The following MTX2 variants were observed in gnomAD, a reference collection of about 807,000 sequenced individuals.
MTX2 encodes metaxin-2.
A neutral mutation model predicts 42.3 loss-of-function variants in MTX2; 35 were observed. The ratio of observed to expected loss-of-function variants is 0.83; its 90% CI spans 0.63 to 1.10. The LOEUF is 1.10. Among genes scored for constraint, MTX2 ranks in the 50% least tolerant of loss-of-function variants. The pLI is 0.00. For synonymous variants in MTX2, 119 were observed against 100.9 expected (o/e 1.18, Z -1.08); for missense variants, 307 against 304.1 (o/e 1.01, Z -0.07).
At chr2:176,277,795 T>C (rs1160988619) in intron 1 of MTX2, among the ~76,000 whole-genome samples, 1 of 152,116 alleles carries the variant, frequency 6.6e-6, no homozygotes, top group East Asian at 1.9e-4. Flanking sequence ...TGAGGAATTA[T>C]TAAAAAGTTA....
intron 1 of MTX2, chr2:176,270,413 T>C: frequency 1.5e-6 from 2 of 1,361,964 alleles, no homozygotes; most frequent in Non-Finnish European, 2.0e-6. Flanking sequence ...ATGACTGATG[T>C]ATATAGGTTT....
chr2:176,291,580 A>G (rs943341080), intron 1 of MTX2, among the ~76,000 whole-genome samples: 1 of 152,126 alleles, frequency 6.6e-6, no homozygotes, highest in Non-Finnish European at 1.5e-5. Flanking sequence ...CAAGGAGGTC[A>G]GCGAAAACTT....
intron 3 of MTX2, among the ~76,000 whole-genome samples, chr2:176,305,501 A>G (rs1684120698): frequency 6.6e-6 from 1 of 152,144 alleles, no homozygotes. Context: ...TTGACCCTAC[A>G]ACTTTATGAA....
At position 176,309,680 on chromosome 2, in the gene MTX2, T is replaced by G. The variant is rs185131360; in HGVS notation, c.135+11785T>G. The stretch of plus-strand genomic sequence containing the variant: ...TTTGTCTCTTTTGATCTTTGTTGGT[T>G]TAAAGTCTGTTTTATCAGAGACCAG... On this transcript the variant is annotated intron_variant, in intron 3 of 9. Coordinates refer to ENST00000249442, the MANE Select transcript of MTX2 (RefSeq NM_006554.5). Among the ~76,000 whole-genome samples, 373 of 152,074 alleles carry G rather than the reference T, an allele frequency of 2.5e-3. 3 individuals are homozygous for G. Among genetic ancestry groups the G allele is most frequent in the African/African-American group, 8.2e-3 (342 of 41,464 alleles).
chr2:176,330,072 G>C (rs1684823484), intron 8 of MTX2, among the ~76,000 whole-genome samples: 1 of 150,964 alleles, frequency 6.6e-6, no homozygotes, highest in Admixed American at 6.6e-5. Context: ...TGGCTACAAG[G>C]GGGTTTCAGT....
intron 3 of MTX2, among the ~76,000 whole-genome samples, chr2:176,306,978 TGC>T (rs1271737752): frequency 6.6e-6 from 1 of 152,256 alleles, no homozygotes; most frequent in Non-Finnish European, 1.5e-5. Flanking sequence ...ATGAAGTCCT[TGC>T]CCATGCCTGT....
chr2:176,312,863 C>CAAAAAAAA (rs557475003), intron 3 of MTX2, among the ~76,000 whole-genome samples: 60 of 55,374 alleles, frequency 1.1e-3, no homozygotes, highest in Middle Eastern at 0.012. Flanking sequence ...AATGCCATCT[C>CAAAAAAAA]AAAAAAAAAA....
intron 3 of MTX2, among the ~76,000 whole-genome samples, chr2:176,309,021 C>G (rs574838751): frequency 1.4e-4 from 22 of 152,116 alleles, no homozygotes; most frequent in East Asian, 5.8e-4. Flanking sequence ...TTTCTCTTGT[C>G]GGCATTTAGT....
chr2:176,304,601 T>C (rs1319347969), intron 3 of MTX2, among the ~76,000 whole-genome samples: 1 of 151,988 alleles, frequency 6.6e-6, no homozygotes, highest in Non-Finnish European at 1.5e-5. Context: ...GTTCATGGTT[T>C]TTAATTTTAA....
chr2:176,329,437 G>A lies in MTX2; in HGVS notation c.543+11G>A. The A allele has an allele frequency of 6.3e-7, 1 of 1,596,888 alleles. No individual in the cohort carries two copies. Among genetic ancestry groups the A allele is most frequent in the East Asian group, 2.3e-5 (1 of 44,372 alleles). On this transcript the variant is annotated intron_variant, in intron 8 of 9. Transcript: ENST00000249442. ...AAGACTCTGGACCAGGTCAGTTCAG[G>A]TTGAAGTTGACAAAACCCTCAACTT...
intron 1 of MTX2, among the ~76,000 whole-genome samples, chr2:176,291,630 G>T (rs1693330035): frequency 6.6e-6 from 1 of 152,088 alleles, no homozygotes; most frequent in Non-Finnish European, 1.5e-5. Context: ...TTAAGGCCCA[G>T]TGCAACATGA....
chr2:176,319,633 T>C (rs921703935), intron 3 of MTX2, among the ~76,000 whole-genome samples: 1 of 152,056 alleles, frequency 6.6e-6, no homozygotes, highest in African/African-American at 2.4e-5. Flanking sequence ...TGGAGTGCAG[T>C]GGTGCGACCT....
At chr2:176,281,725 G>T (rs1693080696) in intron 1 of MTX2, among the ~76,000 whole-genome samples, 4 of 152,092 alleles carry the variant, frequency 2.6e-5, no homozygotes. Context: ...TCTGGGAACC[G>T]AGAAGGCACA....
At position 176,323,741 on chromosome 2, in the gene MTX2, A is replaced by G. The variant is rs371816240; in HGVS notation, c.208+277A>G. 1.1e-4 allele frequency among the ~76,000 whole-genome samples: 16 copies of G among 151,858 alleles called. No individual in the cohort carries two copies. The East Asian group carries it at 2.5e-3, about 24-fold the overall frequency. On this transcript the variant is annotated intron_variant, in intron 4 of 9. Coordinates refer to ENST00000249442, the MANE Select transcript of MTX2 (RefSeq NM_006554.5). Reference sequence around the variant, plus strand: ...ATAGTAAATGTTAAGGAAATACATGATCTCAGATTTCCCTAGTCTTAATGT... The same window carrying G: ...ATAGTAAATGTTAAGGAAATACATGGTCTCAGATTTCCCTAGTCTTAATGT...
chr2:176,273,187 C>T (rs1180358936), intron 1 of MTX2, among the ~76,000 whole-genome samples: 1 of 152,212 alleles, frequency 6.6e-6, no homozygotes, highest in African/African-American at 2.4e-5. Context: ...GTGGAGCCCT[C>T]ATGATCTAGT....
chr2:176,329,932 T>C (rs1684817432), intron 8 of MTX2, among the ~76,000 whole-genome samples: 1 of 151,030 alleles, frequency 6.6e-6, no homozygotes, highest in Non-Finnish European at 1.5e-5. Context: ...TGTCTATCTA[T>C]ATTTTTGCTA....
At chr2:176,326,522 T>A (rs72925136) in intron 4 of MTX2, among the ~76,000 whole-genome samples, 19,180 of 151,662 alleles carry the variant, frequency 0.13, 1,632 homozygotes, top group South Asian at 0.29. Flanking sequence ...ATAATTAGTG[T>A]TTGCTGCTAT....
At chr2:176,313,225 T>G (rs2105430086) in intron 3 of MTX2, among the ~76,000 whole-genome samples, 1 of 152,150 alleles carries the variant, frequency 6.6e-6, no homozygotes, top group African/African-American at 2.4e-5. Context: ...TAAAATGTTT[T>G]ACATATAGAA....
At chr2:176,335,750 G>C (rs991230483) in intron 9 of MTX2, among the ~76,000 whole-genome samples, 2 of 151,962 alleles carry the variant, frequency 1.3e-5, no homozygotes, top group African/African-American at 4.8e-5. Context: ...GGGACAAGCA[G>C]GTTTGGGATA....
Sources: allele counts gnomAD v4.1 joint callset (sites outside exome capture counted in the v4.1 genomes callset), GRCh38; gene constraint gnomAD v4.1.1; transcripts MANE v1.5; gene names NCBI Gene and HGNC (gene_info 2026-07-23, HGNC 2026-07-21).